LHX4: variants seen among roughly 807,000 people sequenced by gnomAD.
The protein encoded by LHX4 is LIM/homeobox protein Lhx4.
A neutral mutation model predicts 39.2 loss-of-function variants in LHX4; 16 were observed. That is an observed-to-expected ratio of 0.41 (90% CI 0.28 to 0.62). LHX4 has a LOEUF of 0.62. Ranked by LOEUF, LHX4 falls within the 20% of genes least tolerant of loss-of-function variation. The pLI, the probability that LHX4 is intolerant of heterozygous loss-of-function variation, is 0.33. For synonymous variants in LHX4, 206 were observed against 198.1 expected (o/e 1.04, Z -0.33); for missense variants, 439 against 511.9 (o/e 0.86, Z 1.37).
At chr1:180,263,396 G>A (rs369444413) in intron 2 of LHX4, among the ~76,000 whole-genome samples, 11 of 152,292 alleles carry the variant, frequency 7.2e-5, no homozygotes, top group African/African-American at 2.4e-4. Context: ...ACCCCTGTAG[G>A]ATGCCCTGTA....
At chr1:180,231,579 ACAAGCGC>A (rs1664182042) in intron 1 of LHX4, among the ~76,000 whole-genome samples, 1 of 135,180 alleles carries the variant, frequency 7.4e-6, no homozygotes, top group South Asian at 2.8e-4. Flanking sequence ...CGCGCGCGCG[ACAAGCGC>A]CGGGAGAGTC....
intron 2 of LHX4, among the ~76,000 whole-genome samples, chr1:180,259,490 G>C (rs1032705087): frequency 6.6e-6 from 1 of 151,804 alleles, no homozygotes; most frequent in African/African-American, 2.4e-5. Context: ...CCGGGTGTGC[G>C]AGTGGAAGGC....
chr1:180,237,938 T>C (rs949924761), intron 1 of LHX4, among the ~76,000 whole-genome samples: 1 of 152,246 alleles, frequency 6.6e-6, no homozygotes, highest in Non-Finnish European at 1.5e-5. Context: ...GAAATAGACG[T>C]GTCTACAACA....
chr1:180,264,412 C>G (rs958726927), intron 2 of LHX4, among the ~76,000 whole-genome samples: 13 of 144,166 alleles, frequency 9.0e-5, no homozygotes, highest in Middle Eastern at 3.7e-3. Context: ...CACACACACA[C>G]AGTAGAGGTG....
chr1:180,229,998 C>A (rs1442087302), upstream of LHX4, among the ~76,000 whole-genome samples: 30 of 141,864 alleles, frequency 2.1e-4, no homozygotes, highest in Admixed American at 1.6e-3. Context: ...AGGCCCCGCC[C>A]CGCTCCCTGC....
Position 180,271,799 on chromosome 1 carries a change from C to T in LHX4, c.607-36C>T, listed in dbSNP as rs781317514. 33 of 1,610,986 alleles carry T rather than the reference C, an allele frequency of 2.0e-5. 1 individual carries two copies. Among genetic ancestry groups the T allele is most frequent in the Middle Eastern group, 1.7e-4 (1 of 6,024 alleles). On this transcript the variant is annotated intron_variant, in intron 4 of 5. Coordinates refer to ENST00000263726, the MANE Select transcript of LHX4 (RefSeq NM_033343.4). ...CTGGGGGCTTTGGGTTTGTGGTGGA[C>T]GCCCCCTGAGTATGTCCCTTGTGCT... is the stretch of plus-strand genomic sequence containing the variant.
intron 2 of LHX4, among the ~76,000 whole-genome samples, chr1:180,251,670 G>T (rs1051601572): frequency 9.2e-5 from 14 of 152,202 alleles, no homozygotes; most frequent in African/African-American, 3.4e-4. Context: ...TCTTCTGTAT[G>T]CTGCAAGGCG....
intron 2 of LHX4, among the ~76,000 whole-genome samples, chr1:180,258,532 G>A (rs983269264): frequency 2.6e-5 from 4 of 152,218 alleles, no homozygotes; most frequent in African/African-American, 9.6e-5. Flanking sequence ...GTGCCTGTAG[G>A]GGCATGGGCG....
Position 180,230,346 on chromosome 1 carries a change from A to G in LHX4, c.-184A>G. On this transcript the variant is annotated 5_prime_UTR_variant, in exon 1 of 6. Coordinates refer to ENST00000263726, the MANE Select transcript of LHX4 (RefSeq NM_033343.4). This position sits in a 1 kb window ranked among gnomAD's most constrained non-coding sequence, Gnocchi z 5.8. Reference sequence around the variant, plus strand: ...CAAAGGGACTGGAAACAGACTGGGGACTGGCGGGGGGAGGGGGCCGGCCAG... The same window carrying G: ...CAAAGGGACTGGAAACAGACTGGGGGCTGGCGGGGGGAGGGGGCCGGCCAG... The G allele has an allele frequency of 3.1e-6, 2 of 641,978 alleles. No individual in the cohort carries two copies. Among genetic ancestry groups the G allele is most frequent in the Non-Finnish European group, 5.6e-6 (2 of 355,554 alleles). The allele number at this position is 641,978 out of a possible 1,614,324, so 39.8% of individuals were successfully genotyped here.
chr1:180,233,801 C>T (rs577918962), intron 1 of LHX4, among the ~76,000 whole-genome samples: 1 of 152,224 alleles, frequency 6.6e-6, no homozygotes, highest in East Asian at 1.9e-4. Flanking sequence ...AATTGGAATG[C>T]AGGCCTGGGG....
chr1:180,267,527 G>C (rs754031400), intron 3 of LHX4, among the ~76,000 whole-genome samples: 17 of 152,232 alleles, frequency 1.1e-4, no homozygotes, highest in Admixed American at 9.2e-4. Flanking sequence ...CTCACTCCCA[G>C]ATGCACCCAC....
rs557202757 is a variant in LHX4, at chr1:180,267,613, C to T, written c.451+1019C>T. Among the ~76,000 whole-genome samples the T allele has an allele frequency of 1.4e-4, 22 of 152,314 alleles. No homozygotes were observed. In the South Asian group the frequency reaches 1.7e-3, roughly 11 times the overall value. ...AACATGATAACCTCAGAGGTGTGAA[C>T]GCACAAAACATCAAGTTCCTTGGCC... On this transcript the variant is annotated intron_variant, in intron 3 of 5. Transcript: ENST00000263726.
At chr1:180,267,724 TAAC>T (rs746333491) in intron 3 of LHX4, among the ~76,000 whole-genome samples, 10 of 152,114 alleles carry the variant, frequency 6.6e-5, no homozygotes, top group East Asian at 3.9e-4. Context: ...GAAAAAAAAT[TAAC>T]AACAATTTTA....
upstream of LHX4, among the ~76,000 whole-genome samples, chr1:180,229,897 A>C (rs1558204776): frequency 6.9e-6 from 1 of 145,756 alleles, no homozygotes; most frequent in Admixed American, 6.8e-5. Context: ...GCGGCAGGCC[A>C]TCAGCAGAAT....
In LHX4 at chr1:180,271,528, C is replaced by G; in HGVS notation, c.600C>G (p.Val200=). Residue 200 remains valine (V), a synonymous_variant, in exon 4 of 6, where the codon GTC becomes GTG. Transcript: ENST00000263726. ...LSSETGLDMR[V]VQVWFQNRRA... ...CAGAGACAGGCCTGGACATGAGGGT[C>G]GTACAGGTGAGATGCCAGCACTCCT... is the stretch of plus-strand genomic sequence containing the variant. 1 of 1,614,080 alleles carries G rather than the reference C, an allele frequency of 6.2e-7. No homozygotes were observed. Among genetic ancestry groups the G allele is most frequent in the Non-Finnish European group, 8.5e-7 (1 of 1,180,020 alleles).
chr1:180,232,778 C>T lies in LHX4; in HGVS notation c.76+2173C>T, dbSNP rs957626280. Among the ~76,000 whole-genome samples the T allele has an allele frequency of 2.0e-5, 3 of 152,182 alleles. No homozygotes were observed. Among genetic ancestry groups the T allele is most frequent in the African/African-American group, 4.8e-5 (2 of 41,428 alleles). On this transcript the variant is annotated intron_variant, in intron 1 of 5. Coordinates refer to ENST00000263726, the MANE Select transcript of LHX4 (RefSeq NM_033343.4). The surrounding 1 kb of genome is among the most constrained non-coding windows in gnomAD (Gnocchi z 5.4). ...GACCGCGGGATAGGTCCCCATCACC[C>T]ACATATACACAACTATTAGTTTTCT... is the stretch of plus-strand genomic sequence containing the variant.
rs774861553 is a variant in LHX4, at chr1:180,248,451, C to T, written c.243C>T (p.Phe81=). ...GGAGCGTCTACTGCAAGGAGGACTT[C>T]TTCAAGTAAGTCAGAACGGTCCGTC... ...RAGSVYCKED[F]FKRFGTKCTA... is the part of the protein sequence containing the mutation. Residue 81 remains phenylalanine (F), a synonymous_variant, in exon 2 of 6, where the codon TTC becomes TTT. Coordinates refer to ENST00000263726, the MANE Select transcript of LHX4 (RefSeq NM_033343.4). The T allele has an allele frequency of 2.5e-6, 4 of 1,614,028 alleles. No individual in the cohort carries two copies. The East Asian group carries it at 6.7e-5, about 27-fold the overall frequency.
At position 180,230,737 on chromosome 1, in the gene LHX4, G is replaced by T. The variant is rs907810965; in HGVS notation, c.76+132G>T. The T allele has an allele frequency of 1.2e-6, 1 of 814,108 alleles. No homozygotes were observed. Among genetic ancestry groups the T allele is most frequent in the African/African-American group, 1.7e-5 (1 of 58,892 alleles). The allele number at this position is 814,108 out of a possible 1,614,324, so 50.4% of individuals were successfully genotyped here. ...GCCGGGGCGCAGAGGCGGTCACAGG[G>T]CAGGGGCACCAGCCAGAGTGCGTTT... On this transcript the variant is annotated intron_variant, in intron 1 of 5. Coordinates refer to ENST00000263726, the MANE Select transcript of LHX4 (RefSeq NM_033343.4). This position sits in a 1 kb window ranked among gnomAD's most constrained non-coding sequence, Gnocchi z 5.8.
At chr1:180,236,936 C>T (rs534560628) in intron 1 of LHX4, among the ~76,000 whole-genome samples, 4 of 152,272 alleles carry the variant, frequency 2.6e-5, no homozygotes, top group African/African-American at 9.6e-5. Context: ...GCTGGGGTGC[C>T]GTTGAGGCGA....
Sources: gnomAD v4.1 joint callset for allele counts (sites outside exome capture counted in the v4.1 genomes callset) on GRCh38, gnomAD v4.1.1 for gene constraint, Gnocchi (gnomAD v3.1) non-coding constraint, MANE v1.5 for transcripts, NCBI Gene and HGNC (gene_info 2026-07-23, HGNC 2026-07-21) for gene names.